Variants in TLL1 observed in about 807,000 individuals in gnomAD.
TLL1 encodes the protein tolloid-like protein 1.
In TLL1, 49 loss-of-function variants were observed where a neutral mutation model predicts 128.2. The ratio of observed to expected loss-of-function variants is 0.38; its 90% CI spans 0.30 to 0.48. The LOEUF is 0.48. Ranked by LOEUF, TLL1 falls within the 20% of genes least tolerant of loss-of-function variation. The pLI is 0.96. For synonymous variants in TLL1, 454 were observed against 418.8 expected, an observed-to-expected ratio of 1.08 and a Z score of -1.03; for missense variants, 1,123 against 1,242.0, an observed-to-expected ratio of 0.90 and a Z score of 1.44.
chr4:165,996,888 T>A (rs115773332), intron 5 of TLL1, among the ~76,000 whole-genome samples: 2,203 of 150,492 alleles, frequency 0.015, 52 homozygotes, highest in African/African-American at 0.051. Flanking sequence ...ATATTAATAT[T>A]TATTTGTACA....
rs758079962 is a variant in TLL1, at chr4:166,091,201, C to T, written c.2516C>T (p.Thr839Ile). ...YDHLEVFDGE[T>I]EKSPILGRLC... ...CACTTAGAAGTATTTGATGGAGAAA[C>T]AGAAAAGTCACCGATTCTTGGACGA... The change falls in exon 19 of 21, where the codon ACA becomes ATA. Residue 839 changes from threonine (T) to isoleucine (I), a missense_variant. By Grantham distance (89) the Thr-to-Ile change is moderately conservative. This residue lies in a region of TLL1 where 634 missense variants were observed against 672.4 expected (regional missense o/e 0.94). Transcript: ENST00000061240. 1.4e-5 allele frequency: 22 copies of T among 1,613,100 alleles called. No individual in the cohort carries two copies. The highest frequency in any genetic ancestry group is 2.2e-5 in the East Asian group (1 of 44,750).
intron 1 of TLL1, among the ~76,000 whole-genome samples, chr4:165,913,908 C>G (rs1443970368): frequency 6.6e-6 from 1 of 151,794 alleles, no homozygotes; most frequent in Non-Finnish European, 1.5e-5. Flanking sequence ...CCTAGCTACC[C>G]AGGAGGCTGA....
At chr4:165,921,144 G>T (rs1579488977) in intron 1 of TLL1, among the ~76,000 whole-genome samples, 1 of 152,054 alleles carries the variant, frequency 6.6e-6, no homozygotes, top group South Asian at 2.1e-4. Flanking sequence ...TACCCTCCTG[G>T]GTTGTTATGG....
chr4:166,015,233 C>A (rs566771134), intron 8 of TLL1, among the ~76,000 whole-genome samples: 1 of 151,992 alleles, frequency 6.6e-6, no homozygotes. Context: ...TATCCTACAG[C>A]AAAGAAACAT....
chr4:165,935,801 A>G (rs1733735210), intron 1 of TLL1, among the ~76,000 whole-genome samples: 1 of 152,092 alleles, frequency 6.6e-6, no homozygotes, highest in African/African-American at 2.4e-5. Flanking sequence ...TTTTCCTTAT[A>G]ATCTATCTGA....
intron 1 of TLL1, among the ~76,000 whole-genome samples, chr4:165,977,556 A>G (rs181280654): frequency 0.017 from 2,585 of 152,252 alleles, 47 homozygotes; most frequent in Non-Finnish European, 0.021. Context: ...TCAGGAAAAG[A>G]TATGTTGCTT....
intron 1 of TLL1, among the ~76,000 whole-genome samples, chr4:165,934,868 A>C (rs912180049): frequency 6.6e-6 from 1 of 152,240 alleles, no homozygotes; most frequent in Non-Finnish European, 1.5e-5. Flanking sequence ...TAAGCCAATC[A>C]TAGAAATTGG....
At chr4:165,951,589 T>C (rs1332072835) in intron 1 of TLL1, among the ~76,000 whole-genome samples, 2 of 152,144 alleles carry the variant, frequency 1.3e-5, no homozygotes, top group Admixed American at 6.6e-5. Context: ...CACCATGTCA[T>C]GTTAAAAAGA....
chr4:165,974,142 T>TCTGCTATCAAGC (rs1560783320), intron 1 of TLL1, among the ~76,000 whole-genome samples: 2 of 110,776 alleles, frequency 1.8e-5, no homozygotes, highest in African/African-American at 9.5e-5. Context: ...TCTTTTTTTT[T>TCTGCTATCAAGC]TTTTTTTTTT....
chr4:165,967,711 T>A (rs952329074), intron 1 of TLL1, among the ~76,000 whole-genome samples: 4 of 152,132 alleles, frequency 2.6e-5, no homozygotes, highest in Non-Finnish European at 4.4e-5. Context: ...TGATGGGACA[T>A]GCTGACAGGA....
At chr4:166,040,952 G>T (rs1451631306) in intron 10 of TLL1, among the ~76,000 whole-genome samples, 1 of 152,116 alleles carries the variant, frequency 6.6e-6, no homozygotes, top group Non-Finnish European at 1.5e-5. Context: ...TTATATTTAA[G>T]CATTTTGTGA....
At chr4:165,879,495 A>G (rs1439776387) in intron 1 of TLL1, among the ~76,000 whole-genome samples, 2 of 152,198 alleles carry the variant, frequency 1.3e-5, no homozygotes, top group African/African-American at 4.8e-5. Context: ...GCTTACAGAA[A>G]AGAGGTTAGC....
At chr4:165,904,270 A>T (rs1488823474) in intron 1 of TLL1, among the ~76,000 whole-genome samples, 1 of 152,140 alleles carries the variant, frequency 6.6e-6, no homozygotes, top group Non-Finnish European at 1.5e-5. Context: ...TTATTACCTC[A>T]TGATTCCTGG....
At chr4:165,911,181 A>C (rs1324847435) in intron 1 of TLL1, among the ~76,000 whole-genome samples, 1 of 152,112 alleles carries the variant, frequency 6.6e-6, no homozygotes, top group Non-Finnish European at 1.5e-5. Flanking sequence ...ATCTCTATTC[A>C]TCCCTCTCAC....
chr4:166,049,642 T>C (rs1489146141), intron 12 of TLL1, among the ~76,000 whole-genome samples: 1 of 151,414 alleles, frequency 6.6e-6, no homozygotes, highest in African/African-American at 2.4e-5. Context: ...GCTGTAATTA[T>C]TCATGTGTTG....
chr4:166,065,554 C>T, intron 15 of TLL1, 129 bp from the exon 16 acceptor site: 3 of 928,552 alleles, frequency 3.2e-6, no homozygotes, highest in Admixed American at 2.2e-5. Context: ...TGATTTTTTT[C>T]CTTACCTGTT....
At chr4:165,964,365 G>A (rs1735265809) in intron 1 of TLL1, among the ~76,000 whole-genome samples, 1 of 152,172 alleles carries the variant, frequency 6.6e-6, no homozygotes, top group Non-Finnish European at 1.5e-5. Flanking sequence ...TGCATAAAAT[G>A]TTATGAGAGC....
At chr4:166,030,209 T>C (rs1319220763) in intron 9 of TLL1, among the ~76,000 whole-genome samples, 1 of 152,146 alleles carries the variant, frequency 6.6e-6, no homozygotes, top group Non-Finnish European at 1.5e-5. Context: ...TGATATCTCA[T>C]TGTGATTTTG....
intron 1 of TLL1, among the ~76,000 whole-genome samples, chr4:165,921,693 C>G (rs907159132): frequency 6.6e-6 from 1 of 152,104 alleles, no homozygotes; most frequent in Admixed American, 6.6e-5. Flanking sequence ...GGACCAGAAA[C>G]AGGAAAAGCA....
Sources: allele counts gnomAD v4.1 joint callset (sites outside exome capture counted in the v4.1 genomes callset), GRCh38; gene constraint gnomAD v4.1.1; regional missense constraint gnomAD v4.1.1; transcripts MANE v1.5; gene names NCBI Gene and HGNC (gene_info 2026-07-23, HGNC 2026-07-21).